The following CENPW variants were observed in gnomAD, a reference collection of about 807,000 sequenced individuals.
CENPW encodes cancer-up-regulated gene 2 protein.
Under a neutral mutation model 11.1 loss-of-function variants are expected in CENPW, and 3 were observed. The ratio of observed to expected loss-of-function variants is 0.27; its 90% confidence interval spans 0.12 to 0.70. The LOEUF (loss-of-function observed/expected upper bound fraction) is 0.70, where lower values mean the gene tolerates loss of function less well. Among genes scored for constraint, CENPW ranks in the 30% least tolerant of loss-of-function variants. The probability of loss-of-function intolerance (pLI) is 0.77; values close to 1 mark genes in which losing one functional copy is unlikely to be tolerated. For synonymous variants in CENPW, 38 were observed against 42.0 expected (o/e 0.91, Z 0.37); for missense variants, 100 against 105.6 (o/e 0.95, Z 0.23).
At chr6:126,415,005 A>T in the CENPW span, among the ~76,000 whole-genome samples, 16 of 152,126 alleles carry the variant, frequency 1.1e-4, no homozygotes, top group African/African-American at 3.9e-4. Flanking sequence ...AATGAAAAAA[A>T]TCCCTGGATA....
chr6:126,406,121 A>G, the CENPW span, among the ~76,000 whole-genome samples: 1 of 152,144 alleles, frequency 6.6e-6, no homozygotes. Flanking sequence ...GCATTGAAGT[A>G]CATCCTTTCT....
At chr6:126,375,895 A>G in the CENPW span, among the ~76,000 whole-genome samples, 1 of 152,070 alleles carries the variant, frequency 6.6e-6, no homozygotes, top group Non-Finnish European at 1.5e-5. Context: ...CTAGTTTTTT[A>G]TAATTTATCC....
the CENPW span, among the ~76,000 whole-genome samples, chr6:126,470,996 G>T: frequency 1.3e-5 from 2 of 152,144 alleles, no homozygotes; most frequent in African/African-American, 2.4e-5. Flanking sequence ...ATGAAACTTT[G>T]TACTTGGATT....
the CENPW span, among the ~76,000 whole-genome samples, chr6:126,400,392 T>A: frequency 3.3e-5 from 5 of 152,092 alleles, no homozygotes; most frequent in Non-Finnish European, 7.4e-5. Context: ...CTGCCCATTT[T>A]AAAATTTATA....
the CENPW span, among the ~76,000 whole-genome samples, chr6:126,444,007 T>G: frequency 2.6e-5 from 4 of 151,124 alleles, no homozygotes; most frequent in Admixed American, 1.3e-4. Flanking sequence ...TTTCATTGTC[T>G]TCTGTCATAA....
the CENPW span, among the ~76,000 whole-genome samples, chr6:126,474,645 A>G: frequency 6.6e-6 from 1 of 152,244 alleles, no homozygotes; most frequent in South Asian, 2.1e-4. Context: ...AGAATATTTT[A>G]TCACCCTTTG....
chr6:126,354,861 A>G, the CENPW span, among the ~76,000 whole-genome samples: 1 of 152,128 alleles, frequency 6.6e-6, no homozygotes, highest in African/African-American at 2.4e-5. Flanking sequence ...AGGGTAACCA[A>G]CTGTCCTGGT....
chr6:126,341,074 A>G (rs1161148654), intron 1 of CENPW, among the ~76,000 whole-genome samples: 1 of 152,256 alleles, frequency 6.6e-6, no homozygotes, highest in Non-Finnish European at 1.5e-5. Flanking sequence ...AAGCCTGCTT[A>G]TCTGACCCAT....
the CENPW span, among the ~76,000 whole-genome samples, chr6:126,414,925 C>A: frequency 6.6e-6 from 1 of 151,560 alleles, no homozygotes; most frequent in Non-Finnish European, 1.5e-5. Flanking sequence ...ATAATTGATA[C>A]CAGAGAAATA....
At chr6:126,461,251 G>A in the CENPW span, among the ~76,000 whole-genome samples, 1 of 150,980 alleles carries the variant, frequency 6.6e-6, no homozygotes, top group Non-Finnish European at 1.5e-5. Context: ...TCTAAAAATG[G>A]GAGTTTCCCT....
chr6:126,472,516 C>T, the CENPW span, among the ~76,000 whole-genome samples: 1 of 152,208 alleles, frequency 6.6e-6, no homozygotes, highest in Admixed American at 6.5e-5. Flanking sequence ...TAATAAGTAG[C>T]TTTCCATTGC....
chr6:126,388,484 T>G, the CENPW span, among the ~76,000 whole-genome samples: 1 of 152,004 alleles, frequency 6.6e-6, no homozygotes, highest in Non-Finnish European at 1.5e-5. Flanking sequence ...TGGTTCTTGT[T>G]GTCATAGTGA....
the CENPW span, among the ~76,000 whole-genome samples, chr6:126,434,888 A>G: frequency 6.6e-6 from 1 of 152,038 alleles, no homozygotes; most frequent in African/African-American, 2.4e-5. Flanking sequence ...TAGCAAAGGT[A>G]GAGCCAAGTC....
chr6:126,414,615 A>G, the CENPW span, among the ~76,000 whole-genome samples: 6 of 152,096 alleles, frequency 3.9e-5, no homozygotes, highest in Non-Finnish European at 5.9e-5. Flanking sequence ...AACCTATGGG[A>G]TATAGCAAAA....
chr6:126,392,836 T>C, the CENPW span, among the ~76,000 whole-genome samples: 1 of 152,040 alleles, frequency 6.6e-6, no homozygotes, highest in Non-Finnish European at 1.5e-5. Context: ...TATTTTGCTC[T>C]TTCTCTATTT....
the CENPW span, among the ~76,000 whole-genome samples, chr6:126,384,890 C>T: frequency 5.9e-5 from 9 of 151,842 alleles, no homozygotes; most frequent in Admixed American, 1.3e-4. Context: ...TAATATCCAG[C>T]ATCTATAAGG....
the CENPW span, among the ~76,000 whole-genome samples, chr6:126,416,200 T>C: frequency 6.6e-6 from 1 of 152,228 alleles, no homozygotes; most frequent in South Asian, 2.1e-4. Context: ...CTGGCAGCAT[T>C]TTGCCTGTGC....
chr6:126,398,124 T>C, the CENPW span, among the ~76,000 whole-genome samples: 1 of 152,330 alleles, frequency 6.6e-6, no homozygotes, highest in South Asian at 2.1e-4. Flanking sequence ...GCACCTCTTT[T>C]TGATCTTAAA....
At chr6:126,423,106 A>G in the CENPW span, among the ~76,000 whole-genome samples, 1 of 151,856 alleles carries the variant, frequency 6.6e-6, no homozygotes, top group African/African-American at 2.4e-5. Flanking sequence ...TATTAGATGT[A>G]TGGTTGCCCA....
Sources: allele counts gnomAD v4.1 joint callset (sites outside exome capture counted in the v4.1 genomes callset), GRCh38; gene constraint gnomAD v4.1.1; transcripts MANE v1.5; gene names NCBI Gene and HGNC (gene_info 2026-07-23, HGNC 2026-07-21).